The following ZBTB20 variants were observed in gnomAD, a reference collection of about 807,000 sequenced individuals.
ZBTB20 encodes zinc finger and BTB domain containing 20, also known as zinc finger and BTB domain-containing protein 20.
In ZBTB20, 9 loss-of-function variants were observed where a neutral mutation model predicts 56.9. The observed-to-expected ratio is 0.16, with a 90% CI of 0.10 to 0.28. The LOEUF is 0.28. Among genes scored for constraint, ZBTB20 ranks in the 10% least tolerant of loss-of-function variants. ZBTB20 has a pLI of 1.00. For synonymous variants in ZBTB20, 417 were observed against 420.7 expected (o/e 0.99, Z 0.11); for missense variants, 655 against 1,003.0 (o/e 0.65, Z 4.69).
chr3:114,498,266 C>T (rs1347647876), intron 7 of ZBTB20, among the ~76,000 whole-genome samples: 1 of 152,134 alleles, frequency 6.6e-6, no homozygotes. Context: ...CTTGGGGGAA[C>T]ATCTGAGAGC....
intron 4 of ZBTB20, among the ~76,000 whole-genome samples, chr3:114,834,410 G>A (rs2074014641): frequency 6.6e-6 from 1 of 152,052 alleles, no homozygotes; most frequent in Non-Finnish European, 1.5e-5. Context: ...GAATTCAGCT[G>A]TTATCAGACA....
chr3:115,141,913 C>T (rs2084821540), intron 1 of ZBTB20, among the ~76,000 whole-genome samples: 1 of 152,140 alleles, frequency 6.6e-6, no homozygotes, highest in Non-Finnish European at 1.5e-5. Context: ...AAGATTTCAT[C>T]TTCTGCCGTT....
At chr3:115,048,696 T>G (rs1379981637) in intron 2 of ZBTB20, among the ~76,000 whole-genome samples, 1 of 152,234 alleles carries the variant, frequency 6.6e-6, no homozygotes, top group Non-Finnish European at 1.5e-5. Context: ...AAGTCATCCA[T>G]TAGTCTTTTC....
At chr3:114,703,210 T>A (rs891685494) in intron 5 of ZBTB20, among the ~76,000 whole-genome samples, 5 of 152,142 alleles carry the variant, frequency 3.3e-5, no homozygotes, top group Non-Finnish European at 7.4e-5. Flanking sequence ...CTTCCCTCCT[T>A]TTTTTCCTCT....
intron 4 of ZBTB20, among the ~76,000 whole-genome samples, chr3:114,878,292 G>A (rs2076270493): frequency 6.6e-6 from 1 of 152,010 alleles, no homozygotes; most frequent in Non-Finnish European, 1.5e-5. Context: ...AAGCAGACAG[G>A]GTAGAATATG....
chr3:114,630,369 G>C (rs2058877783), intron 6 of ZBTB20, among the ~76,000 whole-genome samples: 2 of 152,172 alleles, frequency 1.3e-5, no homozygotes, highest in African/African-American at 4.8e-5. Context: ...AGCTGCATCA[G>C]TAGCACCTGC....
intron 4 of ZBTB20, among the ~76,000 whole-genome samples, chr3:114,809,601 A>G (rs1332234355): frequency 6.6e-6 from 1 of 152,066 alleles, no homozygotes. Context: ...ATGATTTCCT[A>G]TTATTTTGAA....
chr3:114,920,481 A>G (rs1399598344), intron 3 of ZBTB20, among the ~76,000 whole-genome samples: 1 of 152,200 alleles, frequency 6.6e-6, no homozygotes, highest in East Asian at 1.9e-4. Context: ...ATTAAAAATG[A>G]AAAAATAAAA....
At chr3:114,838,625 T>G (rs1166261925) in intron 4 of ZBTB20, among the ~76,000 whole-genome samples, 1 of 152,054 alleles carries the variant, frequency 6.6e-6, no homozygotes, top group Non-Finnish European at 1.5e-5. Context: ...GGTTATGAAA[T>G]TTAGGCAGAG....
intron 7 of ZBTB20, among the ~76,000 whole-genome samples, chr3:114,481,125 T>C (rs1337477324): frequency 3.3e-5 from 5 of 152,000 alleles, no homozygotes; most frequent in Admixed American, 6.6e-5. Flanking sequence ...AATATAGAGA[T>C]AATATATTTT....
At chr3:114,893,066 T>C (rs1445692998) in intron 4 of ZBTB20, among the ~76,000 whole-genome samples, 3 of 152,114 alleles carry the variant, frequency 2.0e-5, no homozygotes, top group African/African-American at 7.2e-5. Flanking sequence ...CAGAACATGC[T>C]CTTGGGATCC....
rs1181356405 is a variant in ZBTB20 at position 114,787,364 on chromosome 3, T to TAC, written c.-343+13736_-343+13737insGT. ...ATATATATATATATATATATATATATATATACACACACACACACACACACA... is the reference window on the plus strand; with the variant it reads ...ATATATATATATATATATATATATATACATATACACACACACACACACACACA... On this transcript the variant is annotated intron_variant, in intron 5 of 11. Transcript: ENST00000675478. 3.2e-4 allele frequency among the ~76,000 whole-genome samples: 32 copies of TAC among 99,568 alleles called. 1 individual carries two copies. Among genetic ancestry groups the TAC allele is most frequent in the East Asian group, 1.3e-3 (6 of 4,798 alleles). The allele number at this position is 99,568 out of a possible 152,430, so 65.3% of individuals were successfully genotyped here.
intron 6 of ZBTB20, among the ~76,000 whole-genome samples, chr3:114,585,129 G>C (rs1331284836): frequency 6.6e-6 from 1 of 152,040 alleles, no homozygotes; most frequent in Admixed American, 6.6e-5. Flanking sequence ...CCTGAGGGGA[G>C]GAAGTTTCCT....
chr3:115,122,707 C>A (rs552601173), intron 1 of ZBTB20, among the ~76,000 whole-genome samples: 2 of 152,070 alleles, frequency 1.3e-5, no homozygotes, highest in Admixed American at 1.3e-4. Flanking sequence ...TCTTTCTGAC[C>A]ATACATTCCT....
At chr3:114,345,963 TTCTC>T (rs1307986592) in intron 11 of ZBTB20, among the ~76,000 whole-genome samples, 4 of 152,212 alleles carry the variant, frequency 2.6e-5, no homozygotes, top group African/African-American at 4.8e-5. Flanking sequence ...CTTTGTTTTT[TTCTC>T]TCTAATTCTG....
chr3:114,632,925 T>C (rs2059040376), intron 6 of ZBTB20, among the ~76,000 whole-genome samples: 1 of 152,218 alleles, frequency 6.6e-6, no homozygotes, highest in African/African-American at 2.4e-5. Context: ...AGTGCGCACC[T>C]GTTTAAACAT....
At chr3:114,623,516 G>C (rs574136199) in intron 6 of ZBTB20, among the ~76,000 whole-genome samples, 1 of 152,252 alleles carries the variant, frequency 6.6e-6, no homozygotes, top group South Asian at 2.1e-4. Flanking sequence ...AAAGAAGAGG[G>C]TGTGACAAAT....
chr3:114,956,792 C>A (rs2077262543), intron 3 of ZBTB20, among the ~76,000 whole-genome samples: 1 of 152,156 alleles, frequency 6.6e-6, no homozygotes, highest in Non-Finnish European at 1.5e-5. Context: ...GCCTAATATA[C>A]CAAATCATTA....
chr3:114,886,896 C>T (rs994413827), intron 4 of ZBTB20, among the ~76,000 whole-genome samples: 14 of 152,112 alleles, frequency 9.2e-5, no homozygotes, highest in Admixed American at 9.2e-4. Context: ...TGTTTCCTGT[C>T]GCCTATAACG....
Sources: gnomAD v4.1 joint callset for allele counts (sites outside exome capture counted in the v4.1 genomes callset) on GRCh38, gnomAD v4.1.1 for gene constraint, MANE v1.5 for transcripts, NCBI Gene and HGNC (gene_info 2026-07-23, HGNC 2026-07-21) for gene names.